The following LRSAM1 variants were observed in gnomAD, a reference collection of about 807,000 sequenced individuals.
LRSAM1 encodes leucine rich repeat and sterile alpha motif containing 1, also known as E3 ubiquitin-protein ligase LRSAM1.
In LRSAM1, 96 loss-of-function variants were observed where a neutral mutation model predicts 118.1. The ratio of observed to expected loss-of-function variants is 0.81; its 90% CI spans 0.69 to 0.96. The LOEUF is 0.96. Among genes scored for constraint, LRSAM1 ranks in the 40% least tolerant of loss-of-function variants. The probability of loss-of-function intolerance (pLI) is 0.00; values close to 1 mark genes in which losing one functional copy is unlikely to be tolerated. For synonymous variants in LRSAM1, 322 were observed against 364.2 expected (o/e 0.88, Z 1.32); for missense variants, 804 against 915.5 (o/e 0.88, Z 1.57).
In LRSAM1 at chr9:127,500,944, T is replaced by C. The variant is rs146458859; in HGVS notation, c.1913-66T>C. On this transcript the variant is annotated intron_variant, in intron 24 of 25. Coordinates refer to ENST00000300417, the MANE Select transcript of LRSAM1 (RefSeq NM_001005373.4). ...ACCATGGGGATGGGCAGGGCCACAA[T>C]GAGCCCCCAGGGGTTAGGGTCAGCG... is the stretch of plus-strand genomic sequence containing the variant. The C allele has an allele frequency of 2.5e-5, 40 of 1,611,240 alleles. No homozygotes were observed. The Admixed American group carries it at 6.7e-4, about 27-fold the overall frequency.
At position 127,473,872 on chromosome 9, in the gene LRSAM1, T is replaced by G; in HGVS notation, c.691T>G (p.Ser231Ala). ...TCTGGAGCAAGATGGAATCGAGAAC[T>G]CTCGGGACAGCCCTGATGGGCCCAC... ...PILEQDGIEN[S>A]RDSPDGPTDR... The change falls in exon 11 of 26, where the codon TCT becomes GCT. Residue 231 changes from serine (S) to alanine (A), a missense_variant. By Grantham distance (99) the Ser-to-Ala change is moderately conservative. Coordinates refer to ENST00000300417, the MANE Select transcript of LRSAM1 (RefSeq NM_001005373.4). The G allele has an allele frequency of 6.2e-7, 1 of 1,614,210 alleles. No individual in the cohort carries two copies. The highest frequency in any genetic ancestry group is 8.5e-7 in the Non-Finnish European group (1 of 1,180,042).
In LRSAM1 at chr9:127,479,866, A is replaced by C. The variant is rs752646771; in HGVS notation, c.931A>C (p.Ser311Arg). 1 of 1,612,392 alleles carries C rather than the reference A, an allele frequency of 6.2e-7. No homozygotes were observed. Among genetic ancestry groups the C allele is most frequent in the South Asian group, 1.1e-5 (1 of 90,912 alleles). Residue 311 changes from serine to arginine, a missense_variant, in exon 14 of 26, where the codon AGT becomes CGT. By Grantham distance (110) the Ser-to-Arg change is moderately radical. Coordinates refer to ENST00000300417, the MANE Select transcript of LRSAM1 (RefSeq NM_001005373.4). ...GCAGTCCCGGCTGGAGCAGGGCCTG[A>C]GTGAGCACCAGCGCCACCTCAACGC... is the stretch of plus-strand genomic sequence containing the variant. ...EEQSRLEQGLSEHQRHLNAER... is the reference protein window; with the variant it reads ...EEQSRLEQGLREHQRHLNAER...
chr9:127,469,673 C>CA (rs138073330), intron 10 of LRSAM1, among the ~76,000 whole-genome samples: 1 of 150,074 alleles, frequency 6.7e-6, no homozygotes, highest in African/African-American at 2.4e-5. Context: ...AATAAAAAAA[C>CA]AAAAAATAGG....
intron 15 of LRSAM1, 44 bp from the exon 16 acceptor site, chr9:127,482,906 G>A: frequency 1.3e-6 from 2 of 1,533,796 alleles, no homozygotes; most frequent in East Asian, 2.4e-5. Flanking sequence ...ATTCCCTGTT[G>A]GAAATGTTAA....
chr9:127,484,022 T>C (rs1055794225), intron 16 of LRSAM1, among the ~76,000 whole-genome samples: 2 of 152,174 alleles, frequency 1.3e-5, no homozygotes, highest in African/African-American at 4.8e-5. Context: ...CCACCATCCA[T>C]CGCCAGAACT....
intron 10 of LRSAM1, among the ~76,000 whole-genome samples, chr9:127,473,102 G>A (rs1312918243): frequency 6.6e-6 from 1 of 152,192 alleles, no homozygotes; most frequent in Non-Finnish European, 1.5e-5. Flanking sequence ...TTATTCTAAT[G>A]TCACTTCCTT....
At chr9:127,464,759 CA>C (rs1834870640) in intron 9 of LRSAM1, among the ~76,000 whole-genome samples, 1 of 151,942 alleles carries the variant, frequency 6.6e-6, no homozygotes, top group South Asian at 2.1e-4. Context: ...TCCTCCTCCT[CA>C]GCCTCCCAAG....
At chr9:127,478,134 A>T (rs901363295) in intron 11 of LRSAM1, among the ~76,000 whole-genome samples, 1 of 152,192 alleles carries the variant, frequency 6.6e-6, no homozygotes. Context: ...AAATTAATTA[A>T]TTAAACACCA....
intron 16 of LRSAM1, among the ~76,000 whole-genome samples, chr9:127,483,695 G>A (rs1001558179): frequency 3.3e-5 from 5 of 151,996 alleles, no homozygotes; most frequent in African/African-American, 9.7e-5. Flanking sequence ...ACAAAGTCTC[G>A]CTCTGTTGCT....
rs373307015 is a variant in LRSAM1 at position 127,459,217 on chromosome 9, G to GTTTT, written c.321+160_321+163dup. 4.7e-4 allele frequency: 272 copies of GTTTT among 579,444 alleles called. 1 individual carries two copies. Among genetic ancestry groups the GTTTT allele is most frequent in the Non-Finnish European group, 6.4e-4 (211 of 329,886 alleles). 35.9% of individuals were successfully genotyped at this position (579,444 alleles called of 1,614,324 possible). A position where few individuals can be genotyped will look rare whatever the true frequency, so the allele number is the denominator to read the frequency against. On this transcript the variant is annotated intron_variant, in intron 7 of 25. Coordinates refer to ENST00000300417, the MANE Select transcript of LRSAM1 (RefSeq NM_001005373.4). ...TCCACCCTCCCCTTGGCCCTTTGGG[G>GTTTT]TTTTTTTTTTTTTTTTTGAGGCAGT...
At chr9:127,464,016 C>T (rs573848615) in intron 9 of LRSAM1, among the ~76,000 whole-genome samples, 1 of 152,360 alleles carries the variant, frequency 6.6e-6, no homozygotes, top group East Asian at 1.9e-4. Flanking sequence ...GTGCTCCCCA[C>T]CTCTGTATGA....
intron 8 of LRSAM1, among the ~76,000 whole-genome samples, 199 bp downstream of exon 8, chr9:127,461,456 G>T (rs1834742203): frequency 6.6e-6 from 1 of 152,210 alleles, no homozygotes; most frequent in African/African-American, 2.4e-5. Context: ...GGTTCCTGTG[G>T]CTCCTGAGAG....
intron 19 of LRSAM1, among the ~76,000 whole-genome samples, chr9:127,490,445 C>A (rs1158607074): frequency 6.6e-6 from 1 of 151,996 alleles, no homozygotes; most frequent in Non-Finnish European, 1.5e-5. Flanking sequence ...GGGGTCTGAC[C>A]CCCACCCCTG....
At chr9:127,483,141 A>G (rs1835603106) in intron 16 of LRSAM1, 121 bp downstream of exon 16, 1 of 900,550 alleles carries the variant, frequency 1.1e-6, no homozygotes, top group Non-Finnish European at 1.8e-6. Context: ...CGAGAGGGGC[A>G]GTCAAGTCCT....
At chr9:127,482,924 G>C (rs1417336829) in intron 15 of LRSAM1, 26 bp from the exon 16 acceptor site, 27 of 1,549,312 alleles carry the variant, frequency 1.7e-5, no homozygotes, top group Non-Finnish European at 2.3e-5. Context: ...TAAATTTGCT[G>C]AATGAATGGA....
chr9:127,481,137 C>T (rs753246657), intron 14 of LRSAM1, 46 bp from the exon 15 acceptor site: 1 of 1,609,914 alleles, frequency 6.2e-7, no homozygotes, highest in Non-Finnish European at 8.5e-7. Flanking sequence ...AGACAGGAAA[C>T]AGGCCTGCTG....
intron 14 of LRSAM1, among the ~76,000 whole-genome samples, chr9:127,480,725 T>G (rs1035942972): frequency 3.9e-5 from 6 of 152,332 alleles, no homozygotes; most frequent in African/African-American, 1.4e-4. Flanking sequence ...TCTCGCTGTG[T>G]CACTGAGGCT....
intron 9 of LRSAM1, 88 bp from the exon 10 acceptor site, chr9:127,467,652 C>G (rs1835007137): frequency 1.6e-6 from 2 of 1,275,752 alleles, no homozygotes; most frequent in Non-Finnish European, 2.2e-6. Flanking sequence ...GTAGAGGTGA[C>G]AGAGAACACA....
rs552458963 is a variant in LRSAM1, at chr9:127,501,363, TAATA to T, written c.2046+225_2046+228del. Among the ~76,000 whole-genome samples, 115 of 152,194 alleles carry T rather than the reference TAATA, an allele frequency of 7.6e-4. 2 individuals are homozygous for T. The South Asian group carries it at 0.016, about 22-fold the overall frequency. On this transcript the variant is annotated intron_variant, in intron 25 of 25. Coordinates refer to ENST00000300417, the MANE Select transcript of LRSAM1 (RefSeq NM_001005373.4). Reference sequence around the variant, plus strand: ...GGACCTTTTTCTTTTTGTTCCTACTTAATAAATACATTAGGAAAAAATTTCCCAA... The same window carrying T: ...GGACCTTTTTCTTTTTGTTCCTACTTAATACATTAGGAAAAAATTTCCCAA...
Sources: gnomAD v4.1 joint callset for allele counts (sites outside exome capture counted in the v4.1 genomes callset) on GRCh38, gnomAD v4.1.1 for gene constraint, MANE v1.5 for transcripts, NCBI Gene and HGNC (gene_info 2026-07-23, HGNC 2026-07-21) for gene names.